RORA: variants seen among roughly 807,000 people sequenced by gnomAD.
RORA encodes RAR related orphan receptor A.
Under a neutral mutation model 69.5 loss-of-function variants are expected in RORA, and 7 were observed. The ratio of observed to expected loss-of-function variants is 0.10; its 90% CI spans 0.06 to 0.19. The LOEUF (loss-of-function observed/expected upper bound fraction) is 0.19, where lower values mean the gene tolerates loss of function less well. Ranked by LOEUF, RORA falls within the 10% of genes least tolerant of loss-of-function variation. The pLI is 1.00. For missense variants in RORA, 457 were observed against 663.0 expected, an observed-to-expected ratio of 0.69 and a Z score of 3.41; for synonymous variants, 261 against 240.8, an observed-to-expected ratio of 1.08 and a Z score of -0.78.
chr15:60,652,308 C>T (rs2070155580), intron 2 of RORA, among the ~76,000 whole-genome samples: 2 of 152,232 alleles, frequency 1.3e-5, no homozygotes, highest in South Asian at 2.1e-4. Flanking sequence ...ATAAGAAAGG[C>T]ATAAGTAGGG....
chr15:61,178,349 G>T (rs2079650383), intron 1 of RORA, among the ~76,000 whole-genome samples: 1 of 152,116 alleles, frequency 6.6e-6, no homozygotes, highest in South Asian at 2.1e-4. Flanking sequence ...GAATTATTCG[G>T]ATCCAAGGAA....
chr15:61,007,148 C>T (rs1894935122), intron 1 of RORA, among the ~76,000 whole-genome samples: 1 of 151,952 alleles, frequency 6.6e-6, no homozygotes. Context: ...GGAGTTCTTG[C>T]CCCAGAAAGG....
intron 1 of RORA, among the ~76,000 whole-genome samples, chr15:61,025,390 G>A (rs985336445): frequency 6.6e-6 from 1 of 152,206 alleles, no homozygotes; most frequent in African/African-American, 2.4e-5. Flanking sequence ...CCGGGCCCTA[G>A]CTGTGCTTCA....
intron 1 of RORA, chr15:60,764,705 C>T (rs1289665008): frequency 6.6e-6 from 1 of 152,184 alleles, no homozygotes; most frequent in Non-Finnish European, 1.5e-5. Flanking sequence ...TAAAAAATTA[C>T]TCTGAGTTAC....
chr15:60,576,548 T>A (rs1371878514), intron 2 of RORA, among the ~76,000 whole-genome samples: 1 of 152,242 alleles, frequency 6.6e-6, no homozygotes, highest in African/African-American at 2.4e-5. Flanking sequence ...TCTAACTGCA[T>A]GTTATTTTTC....
rs1309226581 is a variant in RORA, at chr15:61,226,925, A to G, written c.166+2128T>C. Among the ~76,000 whole-genome samples the G allele has an allele frequency of 1.3e-5, 2 of 152,156 alleles. No homozygotes were observed. On this transcript the variant is annotated intron_variant, in intron 1 of 10. Coordinates refer to ENST00000335670, the MANE Select transcript of RORA (RefSeq NM_134261.3). The surrounding 1 kb of genome is among the most constrained non-coding windows in gnomAD (Gnocchi z 4.2). ...ATATGGGTCAGCAGGTCAGCTGTGC[A>G]AGATGTATCCCACTCCTACTATGCC...
intron 1 of RORA, among the ~76,000 whole-genome samples, chr15:61,169,191 C>A (rs1307417899): frequency 3.3e-5 from 5 of 151,862 alleles, no homozygotes; most frequent in Admixed American, 3.3e-4. Flanking sequence ...ATCTGTGGAA[C>A]TGAATGGGGA....
intron 1 of RORA, among the ~76,000 whole-genome samples, chr15:60,822,363 C>T (rs2072904097): frequency 6.6e-6 from 1 of 152,176 alleles, no homozygotes; most frequent in Non-Finnish European, 1.5e-5. Flanking sequence ...CTAACACAGA[C>T]CCATGAGCCA....
intron 1 of RORA, among the ~76,000 whole-genome samples, chr15:60,889,697 C>G (rs897703309): frequency 6.6e-6 from 1 of 152,156 alleles, no homozygotes; most frequent in Non-Finnish European, 1.5e-5. Context: ...ATACACAATC[C>G]CCCAAGTTAA....
chr15:60,573,090 G>C (rs141566228), intron 2 of RORA, among the ~76,000 whole-genome samples: 5 of 152,178 alleles, frequency 3.3e-5, no homozygotes, highest in African/African-American at 4.8e-5. Context: ...TTAAGCATTC[G>C]CTTGTAGCAC....
intron 1 of RORA, among the ~76,000 whole-genome samples, chr15:61,178,495 A>G (rs1189258600): frequency 2.0e-5 from 3 of 152,100 alleles, no homozygotes; most frequent in African/African-American, 7.2e-5. Flanking sequence ...AAATATATCA[A>G]TTTTATCTAG....
At chr15:60,978,673 C>T (rs1440918559) in intron 1 of RORA, among the ~76,000 whole-genome samples, 1 of 152,064 alleles carries the variant, frequency 6.6e-6, no homozygotes, top group Non-Finnish European at 1.5e-5. Context: ...TTAAATCTTT[C>T]ATCTATTTTG....
At chr15:60,518,646 A>G (rs1567054835) in intron 3 of RORA, among the ~76,000 whole-genome samples, 1 of 152,184 alleles carries the variant, frequency 6.6e-6, no homozygotes, top group Non-Finnish European at 1.5e-5. Flanking sequence ...TAGGTACAAG[A>G]CAATTAGGGA....
chr15:61,184,085 G>A (rs145197092), intron 1 of RORA, among the ~76,000 whole-genome samples: 31 of 152,302 alleles, frequency 2.0e-4, no homozygotes, highest in South Asian at 8.3e-4. Flanking sequence ...ACACATCTCT[G>A]AACAGCTGAT....
intron 1 of RORA, among the ~76,000 whole-genome samples, chr15:60,919,342 G>A (rs966731946): frequency 3.6e-4 from 55 of 152,318 alleles, no homozygotes; most frequent in African/African-American, 1.3e-3. Context: ...GGGCCCAGCA[G>A]GGGTGAAGGA....
At chr15:61,054,399 T>C (rs981648034) in intron 1 of RORA, among the ~76,000 whole-genome samples, 3 of 152,044 alleles carry the variant, frequency 2.0e-5, no homozygotes, top group Admixed American at 2.0e-4. Context: ...TTCTTAAATG[T>C]CTCAAATGAT....
chr15:60,537,183 C>G lies in RORA; in HGVS notation c.197-5332G>C, dbSNP rs1387031354. Among the ~76,000 whole-genome samples, 2 of 152,212 alleles carry G rather than the reference C, an allele frequency of 1.3e-5. No homozygotes were observed. The highest frequency in any genetic ancestry group is 3.8e-4 in the East Asian group (2 of 5,200). ...CGGGGGAGAGCTGCAGAGTCTTCAC[C>G]TTATTCCCTGGAGGGACTTCAGGAG... On this transcript the variant is annotated intron_variant, in intron 2 of 10. Coordinates refer to ENST00000335670, the MANE Select transcript of RORA (RefSeq NM_134261.3). This position sits in a 1 kb window ranked among gnomAD's most constrained non-coding sequence, Gnocchi z 4.9.
At chr15:60,525,000 A>C (rs940746750) in intron 3 of RORA, among the ~76,000 whole-genome samples, 1 of 152,140 alleles carries the variant, frequency 6.6e-6, no homozygotes, top group Admixed American at 6.5e-5. Flanking sequence ...AAGGCCATAG[A>C]CTTCTTAATA....
chr15:60,532,538 C>T (rs541926140), intron 2 of RORA, among the ~76,000 whole-genome samples: 1 of 152,202 alleles, frequency 6.6e-6, no homozygotes, highest in Non-Finnish European at 1.5e-5. Flanking sequence ...TGTTTCTACC[C>T]AACTGATTAC....
Sources: gnomAD v4.1 joint callset for allele counts (sites outside exome capture counted in the v4.1 genomes callset) on GRCh38, gnomAD v4.1.1 for gene constraint, Gnocchi (gnomAD v3.1) non-coding constraint, MANE v1.5 for transcripts, NCBI Gene and HGNC (gene_info 2026-07-23, HGNC 2026-07-21) for gene names.